Variants in CERS6 observed in about 807,000 individuals in gnomAD.
CERS6 encodes the protein LAG1 homolog, ceramide synthase 6.
CERS6 carries 26 observed loss-of-function variants against 56.8 expected under a neutral mutation model. The observed-to-expected ratio is 0.46, with a 90% confidence interval of 0.34 to 0.63. The LOEUF (loss-of-function observed/expected upper bound fraction) is 0.63. Among genes scored for constraint, CERS6 ranks in the 30% least tolerant of loss-of-function variants. The pLI is 0.01. For missense variants in CERS6, 415 were observed against 467.5 expected (o/e 0.89, Z 1.04); for synonymous variants, 164 against 173.3 (o/e 0.95, Z 0.42).
Position 168,508,481 on chromosome 2 carries a change from A to T in CERS6, c.171-39115A>T, listed in dbSNP as rs373916647. Reference sequence around the variant, plus strand: ...CCACTGCCTCTCCTTTTAATCTTCCATCCTTTATTAAGCACCTTCAATGCA... The same window carrying T: ...CCACTGCCTCTCCTTTTAATCTTCCTTCCTTTATTAAGCACCTTCAATGCA... On this transcript the variant is annotated intron_variant, in intron 1 of 9. Coordinates refer to ENST00000305747, the MANE Select transcript of CERS6 (RefSeq NM_203463.3). 7.1e-4 allele frequency among the ~76,000 whole-genome samples: 108 copies of T among 152,300 alleles called. 2 individuals carry two copies. The South Asian group carries it at 0.02, about 29-fold the overall frequency.
intron 4 of CERS6, among the ~76,000 whole-genome samples, chr2:168,655,774 G>A (rs540892198): frequency 1.3e-5 from 2 of 152,354 alleles, no homozygotes; most frequent in South Asian, 2.1e-4. Context: ...TATGTAGAAT[G>A]AACCAGTCTA....
chr2:168,693,216 A>G (rs13025896), intron 5 of CERS6, among the ~76,000 whole-genome samples: 63,547 of 151,968 alleles, frequency 0.42, 14,523 homozygotes, highest in Non-Finnish European at 0.51. Context: ...CTTAACCTGA[A>G]TTAACTGACA....
At chr2:168,484,037 T>C (rs1383557371) in intron 1 of CERS6, among the ~76,000 whole-genome samples, 4 of 152,136 alleles carry the variant, frequency 2.6e-5, no homozygotes, top group Non-Finnish European at 1.5e-5. Flanking sequence ...TGTACCAGTA[T>C]GTTCAAAGCT....
intron 2 of CERS6, among the ~76,000 whole-genome samples, chr2:168,555,722 C>CTCTCTGTGTG (rs1261403157): frequency 7.1e-6 from 1 of 140,920 alleles, no homozygotes; most frequent in African/African-American, 2.8e-5. Flanking sequence ...ATAATTGACT[C>CTCTCTGTGTG]TGTGTGTGTG....
In CERS6 at chr2:168,553,358, A is replaced by G. The variant is rs556595709; in HGVS notation, c.276+5657A>G. Among the ~76,000 whole-genome samples the G allele has an allele frequency of 5.9e-5, 9 of 152,308 alleles. No homozygotes were observed. The South Asian group carries it at 1.9e-3, about 32-fold the overall frequency. ...CTAAGATAAATGGAGGTTTATTTTA[A>G]TATGTTAATAAAAATATAGTGAAAA... is the stretch of plus-strand genomic sequence containing the variant. On this transcript the variant is annotated intron_variant, in intron 2 of 9. Coordinates refer to ENST00000305747, the MANE Select transcript of CERS6 (RefSeq NM_203463.3).
chr2:168,518,486 T>TTTGCTAGAAATCTCTA (rs1303481072), intron 1 of CERS6, among the ~76,000 whole-genome samples: 1 of 152,210 alleles, frequency 6.6e-6, no homozygotes, highest in Non-Finnish European at 1.5e-5. Context: ...TACTCCATAC[T>TTTGCTAGAAATCTCTA]TTGCTAGAAA....
chr2:168,604,784 C>T (rs1684014749), intron 3 of CERS6, among the ~76,000 whole-genome samples: 1 of 152,112 alleles, frequency 6.6e-6, no homozygotes, highest in African/African-American at 2.4e-5. Context: ...TTGAGGTCTC[C>T]CCAGAAGTAG....
At chr2:168,562,725 A>T (rs1558999438) in intron 3 of CERS6, among the ~76,000 whole-genome samples, 1 of 152,196 alleles carries the variant, frequency 6.6e-6, no homozygotes, top group African/African-American at 2.4e-5. Context: ...TTATACTGAG[A>T]CATTCAGTTC....
At chr2:168,526,938 G>A (rs1312071418) in intron 1 of CERS6, among the ~76,000 whole-genome samples, 3 of 152,202 alleles carry the variant, frequency 2.0e-5, no homozygotes, top group South Asian at 4.1e-4. Context: ...AGATTGAAGC[G>A]TTTGAACACG....
intron 1 of CERS6, among the ~76,000 whole-genome samples, chr2:168,518,833 G>A (rs571988988): frequency 1.6e-4 from 25 of 152,256 alleles, no homozygotes; most frequent in African/African-American, 6.0e-4. Flanking sequence ...GTTAACAGAT[G>A]GGTGCATCTC....
chr2:168,743,994 T>A (rs1684009583), intron 8 of CERS6, among the ~76,000 whole-genome samples: 1 of 116,270 alleles, frequency 8.6e-6, no homozygotes, highest in African/African-American at 3.5e-5. Flanking sequence ...TTCTTTTTTT[T>A]CTTTTTTTTT....
chr2:168,646,105 G>A (rs1168650284), intron 4 of CERS6, among the ~76,000 whole-genome samples: 2 of 152,144 alleles, frequency 1.3e-5, no homozygotes, highest in African/African-American at 2.4e-5. Flanking sequence ...AGCTGTTTGA[G>A]GAATTGCCAT....
intron 4 of CERS6, among the ~76,000 whole-genome samples, chr2:168,670,978 C>CCCA (rs1685901554): frequency 1.2e-5 from 1 of 84,298 alleles, no homozygotes; most frequent in African/African-American, 3.1e-5. Context: ...CCCCCCCCCC[C>CCCA]CCAGACGGAA....
At chr2:168,574,244 A>G (rs1360564031) in intron 3 of CERS6, among the ~76,000 whole-genome samples, 1 of 152,154 alleles carries the variant, frequency 6.6e-6, no homozygotes, top group Non-Finnish European at 1.5e-5. Context: ...CTTATCTGGA[A>G]TTATGAAGCG....
At chr2:168,557,562 TG>T (rs1171326397) in intron 2 of CERS6, among the ~76,000 whole-genome samples, 26 of 152,188 alleles carry the variant, frequency 1.7e-4, no homozygotes, top group African/African-American at 6.3e-4. Context: ...AAAAGATGAA[TG>T]GTATATGAGT....
chr2:168,506,298 A>G (rs1574030103), intron 1 of CERS6, among the ~76,000 whole-genome samples: 1 of 152,276 alleles, frequency 6.6e-6, no homozygotes, highest in East Asian at 1.9e-4. Flanking sequence ...CCTTTTCTGA[A>G]TACATCTTTG....
In CERS6 at chr2:168,769,759, C is replaced by A; in HGVS notation, c.*97C>A. 7.8e-7 allele frequency: 1 copy of A among 1,282,600 alleles called. No individual in the cohort carries two copies. The highest frequency in any genetic ancestry group is 1.1e-6 in the Non-Finnish European group (1 of 905,602). The allele number at this position is 1,282,600 out of a possible 1,614,324, so 79.5% of individuals were successfully genotyped here. On this transcript the variant is annotated 3_prime_UTR_variant, in exon 10 of 10. Coordinates refer to ENST00000305747, the MANE Select transcript of CERS6 (RefSeq NM_203463.3). ...AGTTCCTTTCATAATATCTCAGCAC[C>A]AGAAACAAAAATTAAGATTATCAAA...
Position 168,472,386 on chromosome 2 carries a change from C to T in CERS6, c.170+15768C>T, listed in dbSNP as rs1025821136. ...CCGTTTGCAGTATGAAGAGGAAAGG[C>T]CTAATTTATGCAGCAAAACTCACTA... On this transcript the variant is annotated intron_variant, in intron 1 of 9. Coordinates refer to ENST00000305747, the MANE Select transcript of CERS6 (RefSeq NM_203463.3). Among the ~76,000 whole-genome samples, 5 of 152,248 alleles carry T rather than the reference C, an allele frequency of 3.3e-5. No individual in the cohort carries two copies. In the South Asian group the frequency reaches 6.2e-4, roughly 19 times the overall value.
intron 1 of CERS6, 107 bp from the exon 2 acceptor site, chr2:168,547,489 A>G (rs954859979): frequency 6.6e-6 from 4 of 604,388 alleles, no homozygotes; most frequent in Middle Eastern, 3.4e-4. Flanking sequence ...ATGAAATCCT[A>G]CCAACACTTT....
Sources: gnomAD v4.1 joint callset for allele counts (sites outside exome capture counted in the v4.1 genomes callset) on GRCh38, gnomAD v4.1.1 for gene constraint, MANE v1.5 for transcripts, NCBI Gene and HGNC (gene_info 2026-07-23, HGNC 2026-07-21) for gene names.